Variants in PCDHA3 observed in about 807,000 individuals in gnomAD.
PCDHA3 encodes the protein protocadherin alpha-3.
In PCDHA3, 41 loss-of-function variants were observed where a neutral mutation model predicts 62.2. The observed-to-expected ratio is 0.66, with a 90% CI of 0.51 to 0.86. The LOEUF (loss-of-function observed/expected upper bound fraction) is 0.86. Among genes scored for constraint, PCDHA3 ranks in the 40% least tolerant of loss-of-function variants. The pLI, the probability that PCDHA3 is intolerant of heterozygous loss-of-function variation, is 0.00. For synonymous variants in PCDHA3, 640 were observed against 555.4 expected (o/e 1.15, Z -2.14); for missense variants, 1,304 against 1,241.2 (o/e 1.05, Z -0.76).
intron 3 of PCDHA3, among the ~76,000 whole-genome samples, chr5:141,006,751 G>A (rs1369409000): frequency 2.0e-5 from 3 of 152,166 alleles, no homozygotes; most frequent in Non-Finnish European, 4.4e-5. Flanking sequence ...ATTATAAATG[G>A]AGAATGAAGA....
intron 1 of PCDHA3, chr5:140,843,183 C>G (rs1778646285): frequency 1.9e-6 from 3 of 1,595,908 alleles, no homozygotes; most frequent in Non-Finnish European, 2.6e-6. Flanking sequence ...CCTCGCATCC[C>G]GTTCCGCGTG....
At chr5:140,822,871 A>G (rs1767455732) in intron 1 of PCDHA3, 1 of 1,614,204 alleles carries the variant, frequency 6.2e-7, no homozygotes, top group Non-Finnish European at 8.5e-7. Context: ...TCCACTCAGC[A>G]CGGTCATTGC....
At chr5:140,929,112 C>T in intron 1 of PCDHA3, 6 of 1,614,130 alleles carry the variant, frequency 3.7e-6, no homozygotes, top group Non-Finnish European at 5.1e-6. Context: ...TGACATCAGC[C>T]ACCATAGATG....
At chr5:140,989,598 TA>T (rs1554250927) in intron 3 of PCDHA3, among the ~76,000 whole-genome samples, 1 of 152,144 alleles carries the variant, frequency 6.6e-6, no homozygotes, top group Non-Finnish European at 1.5e-5. Flanking sequence ...CTGACACAAG[TA>T]AACTAAAAAT....
At chr5:140,928,240 C>G (rs1174659124) in intron 1 of PCDHA3, 1 of 1,614,108 alleles carries the variant, frequency 6.2e-7, no homozygotes, top group Non-Finnish European at 8.5e-7. Flanking sequence ...TCAACCCCAG[C>G]AGGAACTTTT....
Position 141,010,445 on chromosome 5 carries a change from A to C in PCDHA3, c.*508A>C. On this transcript the variant is annotated 3_prime_UTR_variant, in exon 4 of 4. Transcript: ENST00000522353. ...AAGGCAAGAAAACAAAGACAAATAA[A>C]CAGCGGAAGTTATCAGTATGGAGGG... 1.1e-6 allele frequency: 1 copy of C among 944,134 alleles called. No individual in the cohort carries two copies. The highest frequency in any genetic ancestry group is 1.5e-6 in the Non-Finnish European group (1 of 656,048). 58.5% of individuals were successfully genotyped at this position (944,134 alleles called of 1,614,324 possible).
Position 140,803,565 on chromosome 5 carries a change from G to T in PCDHA3, c.2368G>T (p.Asp790Tyr), listed in dbSNP as rs1763237968. 1 of 1,614,220 alleles carries T rather than the reference G, an allele frequency of 6.2e-7. No homozygotes were observed. The highest frequency in any genetic ancestry group is 8.5e-7 in the Non-Finnish European group (1 of 1,180,044). ...PISRDREEKQ[D>Y]VDVDLSAKPR... Reference sequence around the variant, plus strand: ...TAGCCGGGATAGAGAGGAGAAACAGGATGTGGACGTTGATCTCTCAGCCAA... The same window carrying T: ...TAGCCGGGATAGAGAGGAGAAACAGTATGTGGACGTTGATCTCTCAGCCAA... Residue 790 changes from aspartate to tyrosine, a missense_variant, in exon 1 of 4, where the codon GAT (aspartate) becomes TAT (tyrosine). Transcript: ENST00000522353.
intron 1 of PCDHA3, among the ~76,000 whole-genome samples, chr5:140,920,056 C>T (rs2079426580): frequency 6.6e-6 from 1 of 152,144 alleles, no homozygotes; most frequent in African/African-American, 2.4e-5. Flanking sequence ...GCCACCAACA[C>T]CTGGAAAAGG....
In PCDHA3 at chr5:140,857,981, C is replaced by T. The variant is rs377577023; in HGVS notation, c.2394+54390C>T. The T allele has an allele frequency of 2.5e-6, 4 of 1,596,862 alleles. 1 individual carries two copies. The highest frequency in any genetic ancestry group is 3.4e-6 in the Non-Finnish European group (4 of 1,167,208). The stretch of plus-strand genomic sequence containing the variant: ...GGATGAGACTGACTCGCCACGCCAG[C>T]GCCTACTGGTGCTGGTGAAGGACCA... On this transcript the variant is annotated intron_variant, in intron 1 of 3. Transcript: ENST00000522353.
intron 1 of PCDHA3, among the ~76,000 whole-genome samples, chr5:140,905,859 A>T (rs2072155643): frequency 1.3e-5 from 2 of 152,192 alleles, no homozygotes; most frequent in Non-Finnish European, 2.9e-5. Context: ...GTATTAACTC[A>T]CACAATCACA....
chr5:140,828,896 C>A lies in PCDHA3; in HGVS notation c.2394+25305C>A, dbSNP rs138760871. On this transcript the variant is annotated intron_variant, in intron 1 of 3. Coordinates refer to ENST00000522353, the MANE Select transcript of PCDHA3 (RefSeq NM_018906.3). ...AGTTATCAGACTGAATGCTTCTGAT[C>A]GGGATGAAGGAGCGAATGGGGCAAT... 63 of 1,614,060 alleles carry A rather than the reference C, an allele frequency of 3.9e-5. No homozygotes were observed. In the Admixed American group the frequency reaches 8.8e-4, roughly 23 times the overall value.
chr5:140,907,009 C>A (rs2193983), intron 1 of PCDHA3, among the ~76,000 whole-genome samples: 26,809 of 152,052 alleles, frequency 0.18, 2,652 homozygotes, highest in African/African-American at 0.27. Flanking sequence ...GGAACTAAGA[C>A]CTCTAGGCCA....
intron 1 of PCDHA3, chr5:140,877,636 C>T (rs1554169939): frequency 1.2e-6 from 2 of 1,613,640 alleles, no homozygotes; most frequent in Admixed American, 1.7e-5. Context: ...CACTGCGCTG[C>T]GTTGCTCAGC....
At chr5:140,967,102 G>A (rs1279026258) in intron 1 of PCDHA3, 1 of 1,612,978 alleles carries the variant, frequency 6.2e-7, no homozygotes, top group African/African-American at 1.3e-5. Context: ...CGCTGTGTGA[G>A]CAGCGGCCTC....
chr5:140,870,016 G>A (rs1554163708), intron 1 of PCDHA3: 1 of 1,613,448 alleles, frequency 6.2e-7, no homozygotes, highest in Non-Finnish European at 8.5e-7. Flanking sequence ...GAGGGTCAAT[G>A]GAACTTTAGA....
rs781814958 is a variant in PCDHA3 at position 140,869,604 on chromosome 5, A to G, written c.2394+66013A>G. On this transcript the variant is annotated intron_variant, in intron 1 of 3. Transcript: ENST00000522353. ...ATGCTGACATTGAAGAGAATGCTCTATTGACCTACAGGCTAAGTAAAAATG... is the reference window on the plus strand; with the variant it reads ...ATGCTGACATTGAAGAGAATGCTCTGTTGACCTACAGGCTAAGTAAAAATG... 5 of 1,613,944 alleles carry G rather than the reference A, an allele frequency of 3.1e-6. No individual in the cohort carries two copies. In the African/African-American group the frequency reaches 4.0e-5, roughly 13 times the overall value.
At chr5:140,866,852 C>T (rs1004486221) in intron 1 of PCDHA3, 1 of 152,106 alleles carries the variant, frequency 6.6e-6, no homozygotes, top group Non-Finnish European at 1.5e-5. Flanking sequence ...TTAACAATAA[C>T]TGTATTGAAA....
chr5:140,987,096 C>T (rs1266691790), intron 3 of PCDHA3, among the ~76,000 whole-genome samples: 3 of 151,912 alleles, frequency 2.0e-5, no homozygotes, highest in African/African-American at 7.3e-5. Context: ...TGCCTGTAAT[C>T]CCAGCTACTC....
intron 1 of PCDHA3, chr5:140,823,663 A>T (rs2150128045): frequency 1.2e-6 from 2 of 1,614,010 alleles, no homozygotes; most frequent in Admixed American, 1.7e-5. Flanking sequence ...CACAGGCGAG[A>T]TCAGCACAAC....
Sources: allele counts gnomAD v4.1 joint callset (sites outside exome capture counted in the v4.1 genomes callset), GRCh38; gene constraint gnomAD v4.1.1; transcripts MANE v1.5; gene names NCBI Gene and HGNC (gene_info 2026-07-23, HGNC 2026-07-21).